ADA2: variants seen among roughly 807,000 people sequenced by gnomAD.
ADA2 encodes the protein adenosine deaminase CECR1.
Under a neutral mutation model 44.2 loss-of-function variants are expected in ADA2, and 29 were observed. The observed-to-expected ratio is 0.66, with a 90% CI of 0.49 to 0.89. ADA2 has a LOEUF of 0.89. ADA2 is among the 40% of genes least tolerant of loss of function. The probability of loss-of-function intolerance (pLI) is 0.00; values close to 1 mark genes in which losing one functional copy is unlikely to be tolerated. For missense variants in ADA2, 637 were observed against 644.8 expected, an observed-to-expected ratio of 0.99 and a Z score of 0.13; for synonymous variants, 215 against 234.9, an observed-to-expected ratio of 0.92 and a Z score of 0.77.
In ADA2 at chr22:17,182,692, T is replaced by C; in HGVS notation, c.1151A>G (p.His384Arg). 6.2e-7 allele frequency: 1 copy of C among 1,614,132 alleles called. No individual in the cohort carries two copies. Among genetic ancestry groups the C allele is most frequent in the Non-Finnish European group, 8.5e-7 (1 of 1,180,036 alleles). The change falls in exon 8 of 10, where the codon CAT (histidine) becomes CGT (arginine). Residue 384 changes from histidine (H) to arginine (R), a missense_variant. Transcript: ENST00000399837. ...GGGGTGTTTGCTCAAAGCAAATCCA[T>C]GGCCGATTCTGGTAGTGTTCAGCAT... is the stretch of plus-strand genomic sequence containing the variant. ...ALMLNTTRIG[H>R]GFALSKHPAV...
At chr22:17,209,859 C>G in intron 1 of ADA2, 136 bp from the exon 2 acceptor site, 1 of 608,596 alleles carries the variant, frequency 1.6e-6, no homozygotes, top group Non-Finnish European at 2.9e-6. Context: ...GAGAAAAGAC[C>G]TACAGGTACA....
At chr22:17,216,428 A>G (rs2062472464) in intron 1 of ADA2, among the ~76,000 whole-genome samples, 1 of 151,990 alleles carries the variant, frequency 6.6e-6, no homozygotes, top group Non-Finnish European at 1.5e-5. Context: ...AATGTTTCAT[A>G]GTAGACTAGG....
chr22:17,195,556 T>A (rs1321923435), intron 4 of ADA2, among the ~76,000 whole-genome samples: 1 of 151,466 alleles, frequency 6.6e-6, no homozygotes, highest in East Asian at 1.9e-4. Flanking sequence ...AACAAAAAAA[T>A]TTTTTTAAAC....
At chr22:17,203,414 T>G in intron 4 of ADA2, 149 bp downstream of exon 4, 1 of 655,568 alleles carries the variant, frequency 1.5e-6, no homozygotes, top group Admixed American at 2.5e-5. Flanking sequence ...CAGGTTTCCT[T>G]GCTCATGTTG....
intron 7 of ADA2, among the ~76,000 whole-genome samples, chr22:17,183,266 G>A (rs1392054477): frequency 6.6e-6 from 1 of 151,900 alleles, no homozygotes; most frequent in Non-Finnish European, 1.5e-5. Flanking sequence ...TGTATTTTTA[G>A]TAGAGACAGG....
chr22:17,208,847 GGA>G (rs557211325), intron 2 of ADA2, among the ~76,000 whole-genome samples: 4,250 of 147,078 alleles, frequency 0.029, 155 homozygotes, highest in East Asian at 0.067. Flanking sequence ...CATTTTTTGG[GGA>G]ACAGGGTCTT....
rs754640838 is a variant in ADA2 at position 17,191,770 on chromosome 22, G to C, written c.794C>G (p.Ser265Ter). 3.1e-6 allele frequency: 5 copies of C among 1,611,928 alleles called. No individual in the cohort carries two copies. The Admixed American group carries it at 8.3e-5, about 27-fold the overall frequency. ...LSGEHHDEEWSVKTYQEVAQK... is the reference protein window; with the variant it reads ...LSGEHHDEEW Reference sequence around the variant, plus strand: ...AGCTACTTCCTGGTAAGTCTTCACTGACCACTCTTCGTCATGGTGCTCTCC... The same window carrying C: ...AGCTACTTCCTGGTAAGTCTTCACTCACCACTCTTCGTCATGGTGCTCTCC... The change falls in exon 5 of 10, where the codon TCA becomes TGA. Residue 265 changes from serine to a stop codon, truncating the protein, a stop_gained. Transcript: ENST00000399837. LOFTEE classifies it high-confidence loss of function.
Position 17,181,567 on chromosome 22 carries a change from G to C in ADA2, c.1452C>G (p.Thr484=). 1.9e-6 allele frequency: 3 copies of C among 1,610,312 alleles called. No individual in the cohort carries two copies. The South Asian group carries it at 3.3e-5, about 18-fold the overall frequency. The change falls in exon 10 of 10, where the codon ACC becomes ACG. Residue 484 remains threonine (T), a synonymous_variant. Coordinates refer to ENST00000399837, the MANE Select transcript of ADA2 (RefSeq NM_001282225.2). ...AAGTATTTTTCTCACTCTCCAACAG[G>C]GTACTGTACCTGCAGGAAGAGGAGG... The part of the protein sequence containing the change: ...QLAMNSIKYS[T]LLESEKNTFM...
At chr22:17,190,166 G>A in intron 5 of ADA2, 134 bp from the exon 6 acceptor site, 5 of 670,088 alleles carry the variant, frequency 7.5e-6, no homozygotes, top group Admixed American at 2.3e-5. Flanking sequence ...AGGCACCCCT[G>A]CCCTCCTGAC....
At chr22:17,208,273 A>G (rs2062376704) in intron 2 of ADA2, among the ~76,000 whole-genome samples, 1 of 151,458 alleles carries the variant, frequency 6.6e-6, no homozygotes. Context: ...AAAATACAAA[A>G]ATTAGCCAGG....
intron 4 of ADA2, among the ~76,000 whole-genome samples, chr22:17,198,273 A>C (rs994462484): frequency 6.6e-6 from 1 of 152,068 alleles, no homozygotes; most frequent in African/African-American, 2.4e-5. Context: ...AGAGCAACCA[A>C]ATCAGAATCT....
chr22:17,192,284 G>A (rs985609700), intron 4 of ADA2, among the ~76,000 whole-genome samples: 3 of 152,196 alleles, frequency 2.0e-5, no homozygotes, highest in South Asian at 2.1e-4. Flanking sequence ...CATGGCACAC[G>A]CGAGGGTAGG....
intron 2 of ADA2, among the ~76,000 whole-genome samples, chr22:17,207,661 C>G (rs2062370486): frequency 6.6e-6 from 1 of 152,026 alleles, no homozygotes; most frequent in Non-Finnish European, 1.5e-5. Flanking sequence ...GGGCATCAGG[C>G]TTGGAACCAG....
intron 4 of ADA2, 64 bp downstream of exon 4, chr22:17,203,499 G>C: frequency 1.5e-6 from 2 of 1,328,374 alleles, no homozygotes; most frequent in East Asian, 2.3e-5. Flanking sequence ...TCTTCTACCA[G>C]CTAAGATCTG....
At chr22:17,216,599 T>C (rs1601470671) in intron 1 of ADA2, among the ~76,000 whole-genome samples, 2 of 152,052 alleles carry the variant, frequency 1.3e-5, no homozygotes, top group East Asian at 3.9e-4. Context: ...ACCCTGTCTC[T>C]ACTAAAAATA....
At position 17,203,779 on chromosome 22, in the gene ADA2, C is replaced by A; in HGVS notation, c.543-6G>T. 6.2e-7 allele frequency: 1 copy of A among 1,608,808 alleles called. No individual in the cohort carries two copies. The highest frequency in any genetic ancestry group is 8.5e-7 in the Non-Finnish European group (1 of 1,175,920). On this transcript the variant is annotated splice_region_variant and splice_polypyrimidine_tract_variant and intron_variant, in intron 3 of 9. Transcript: ENST00000399837. Reference sequence around the variant, plus strand: ...GAGTGAAATTCCTCAGCAAGCTGTCCAAGACACGAAGTGGGGAGTGGCAGA... The same window carrying A: ...GAGTGAAATTCCTCAGCAAGCTGTCAAAGACACGAAGTGGGGAGTGGCAGA...
At chr22:17,215,999 C>T (rs2062467335) in intron 1 of ADA2, among the ~76,000 whole-genome samples, 1 of 151,756 alleles carries the variant, frequency 6.6e-6, no homozygotes, top group Admixed American at 6.6e-5. Flanking sequence ...CCAGCCTGAC[C>T]AACATGGTGA....
Position 17,203,632 on chromosome 22 carries a change from G to C in ADA2, c.684C>G (p.Val228=). ...IHYAPVFRDY[V]FRSMQEFYED... Reference sequence around the variant, plus strand: ...CGTAGAACTCCTGCATGCTCCGGAAGACATAGTCTCTGAACACTGGTGCGT... The same window carrying C: ...CGTAGAACTCCTGCATGCTCCGGAACACATAGTCTCTGAACACTGGTGCGT... Residue 228 remains valine (V), a synonymous_variant, in exon 4 of 10, where the codon GTC becomes GTG. Coordinates refer to ENST00000399837, the MANE Select transcript of ADA2 (RefSeq NM_001282225.2). The C allele has an allele frequency of 6.2e-7, 1 of 1,614,046 alleles. No individual in the cohort carries two copies. The highest frequency in any genetic ancestry group is 8.5e-7 in the Non-Finnish European group (1 of 1,179,996).
Position 17,181,298 on chromosome 22 carries a change from T to C in ADA2, c.*185A>G, listed in dbSNP as rs1356821867. 3 of 617,146 alleles carry C rather than the reference T, an allele frequency of 4.9e-6. No individual in the cohort carries two copies. Among genetic ancestry groups the C allele is most frequent in the Admixed American group, 2.6e-5 (1 of 39,088 alleles). 38.2% of individuals were successfully genotyped at this position (617,146 alleles called of 1,614,324 possible). ...CAGGAGAAAACCAAGAGGGTCAATGTCACTGTGGCTGAGAGAGAATATTTC... is the reference window on the plus strand; with the variant it reads ...CAGGAGAAAACCAAGAGGGTCAATGCCACTGTGGCTGAGAGAGAATATTTC... On this transcript the variant is annotated 3_prime_UTR_variant, in exon 10 of 10. Transcript: ENST00000399837.
Sources: gnomAD v4.1 joint callset for allele counts (sites outside exome capture counted in the v4.1 genomes callset) on GRCh38, gnomAD v4.1.1 for gene constraint, MANE v1.5 for transcripts, NCBI Gene and HGNC (gene_info 2026-07-23, HGNC 2026-07-21) for gene names.